Variants in CCDC88A observed in about 807,000 individuals in gnomAD.
CCDC88A encodes coiled-coil and HOOK domain protein 88A.
Under a neutral mutation model 234.3 loss-of-function variants are expected in CCDC88A, and 54 were observed. The ratio of observed to expected loss-of-function variants is 0.23; its 90% CI spans 0.19 to 0.29. The LOEUF is 0.29. CCDC88A is among the 10% of genes least tolerant of loss of function. The pLI is 1.00. For missense variants in CCDC88A, 1,832 were observed against 2,123.4 expected (o/e 0.86, Z 2.70); for synonymous variants, 753 against 737.8 (o/e 1.02, Z -0.33).
rs1558690462 is a variant in CCDC88A, at chr2:55,335,331, TG to T, written c.1657-168del. 9.9e-5 allele frequency among the ~76,000 whole-genome samples: 5 copies of T among 50,550 alleles called. No individual in the cohort carries two copies. The highest frequency in any genetic ancestry group is 1.5e-4 in the Non-Finnish European group (4 of 26,120). The allele number at this position is 50,550 out of a possible 152,430, so 33.2% of individuals were successfully genotyped here. On this transcript the variant is annotated intron_variant, in intron 14 of 32. Coordinates refer to ENST00000436346, the MANE Select transcript of CCDC88A (RefSeq NM_001365480.1). The surrounding 1 kb of genome is among the most constrained non-coding windows in gnomAD (Gnocchi z 4.5). ...TGAAGACCACTGTGTACACTTACTG[TG>T]AGGTCATTTACTGAAGACCACTGTG...
intron 29 of CCDC88A, among the ~76,000 whole-genome samples, chr2:55,298,594 CAG>C (rs1043429447): frequency 2.6e-5 from 4 of 151,894 alleles, no homozygotes; most frequent in Admixed American, 6.6e-5. Flanking sequence ...TTCTGGAGTA[CAG>C]AGAGTAACTA....
chr2:55,346,078 C>G, intron 10 of CCDC88A, 97 bp downstream of exon 10: 1 of 780,486 alleles, frequency 1.3e-6, no homozygotes. Flanking sequence ...GTTTGTTCAC[C>G]ATTTCAAGAG....
At chr2:55,408,563 G>A (rs1452404813) in intron 2 of CCDC88A, among the ~76,000 whole-genome samples, 1 of 152,074 alleles carries the variant, frequency 6.6e-6, no homozygotes, top group Non-Finnish European at 1.5e-5. Flanking sequence ...ACTCCTACCA[G>A]TGCCATGACA....
chr2:55,390,728 G>C (rs1463913933), intron 2 of CCDC88A, among the ~76,000 whole-genome samples: 1 of 152,166 alleles, frequency 6.6e-6, no homozygotes, highest in Non-Finnish European at 1.5e-5. Flanking sequence ...TGCTGAACTT[G>C]AGGAGACAAA....
intron 3 of CCDC88A, among the ~76,000 whole-genome samples, chr2:55,381,575 T>C (rs1423407248): frequency 1.3e-5 from 1 of 79,992 alleles, no homozygotes; most frequent in Non-Finnish European, 2.7e-5. Flanking sequence ...AAAAAAAAAG[T>C]GCACATGACT....
In CCDC88A at chr2:55,295,660, T is replaced by C. The variant is rs1679947711; in HGVS notation, c.5488A>G (p.Arg1830Gly). The C allele has an allele frequency of 6.2e-7, 1 of 1,614,138 alleles. No individual in the cohort carries two copies. The highest frequency in any genetic ancestry group is 2.2e-5 in the East Asian group (1 of 44,904). Reference sequence around the variant, plus strand: ...GGTGAATCAACTGATATAGGCAGTCTACTGTCCTTGGTCAAAAAATCATGG... The same window carrying C: ...GGTGAATCAACTGATATAGGCAGTCCACTGTCCTTGGTCAAAAAATCATGG... ...SIHDFLTKDS[R>G]LPISVDSPPA... The change falls in exon 31 of 33, where the codon AGA becomes GGA. Residue 1830 changes from arginine (R) to glycine (G), a missense_variant. Arg to Gly is a moderately radical substitution (Grantham distance 125, BLOSUM62 -2). Transcript: ENST00000436346.
intron 29 of CCDC88A, among the ~76,000 whole-genome samples, chr2:55,299,204 A>AAAAC (rs1252943031): frequency 2.6e-5 from 4 of 152,200 alleles, no homozygotes; most frequent in Admixed American, 6.5e-5. Flanking sequence ...ACTCCGTCTC[A>AAAAC]AAACAAACAA....
intron 3 of CCDC88A, among the ~76,000 whole-genome samples, chr2:55,386,646 AT>A: frequency 6.6e-6 from 1 of 151,186 alleles, no homozygotes. Context: ...TAATTTTTGT[AT>A]TTTTAGTAGA....
chr2:55,388,718 T>TAA, intron 3 of CCDC88A, 60 bp downstream of exon 3: 1 of 694,780 alleles, frequency 1.4e-6, no homozygotes, highest in Non-Finnish European at 2.5e-6. Context: ...TGACTGATAC[T>TAA]AAATAATACA....
chr2:55,343,871 A>G (rs1668786402), intron 11 of CCDC88A, 79 bp from the exon 12 acceptor site: 3 of 1,178,910 alleles, frequency 2.5e-6, no homozygotes, highest in Non-Finnish European at 3.5e-6. Flanking sequence ...ATTTCTCACA[A>G]CTTTTATTTA....
At chr2:55,308,291 T>C (rs1397148791) in intron 25 of CCDC88A, 1 of 153,206 alleles carries the variant, frequency 6.5e-6, no homozygotes, top group Admixed American at 6.5e-5. Context: ...TTCTTAACCT[T>C]CTGTAATTTC....
intron 2 of CCDC88A, chr2:55,394,032 C>T (rs1311583207): frequency 6.6e-6 from 1 of 152,238 alleles, no homozygotes; most frequent in South Asian, 2.1e-4. Flanking sequence ...GATCATAGCT[C>T]ACTGCAGCCT....
chr2:55,347,316 G>C (rs75787526), intron 9 of CCDC88A, among the ~76,000 whole-genome samples: 11,910 of 152,136 alleles, frequency 0.078, 710 homozygotes, highest in East Asian at 0.3. Flanking sequence ...AACCTTTTCA[G>C]GGAGTTCAGG....
intron 3 of CCDC88A, among the ~76,000 whole-genome samples, chr2:55,377,194 CTT>C (rs11443883): frequency 3.5e-5 from 4 of 115,042 alleles, no homozygotes; most frequent in Admixed American, 1.0e-4. Context: ...TCACTATAGA[CTT>C]TTTTTTTTTT....
chr2:55,401,433 C>CAAAAAA lies in CCDC88A; in HGVS notation c.165-12548_165-12547insTTTTTT, dbSNP rs1418741634. Among the ~76,000 whole-genome samples, 34 of 30,130 alleles carry CAAAAAA rather than the reference C, an allele frequency of 1.1e-3. 10 individuals carry two copies. Among genetic ancestry groups the CAAAAAA allele is most frequent in the Admixed American group, 1.5e-3 (3 of 2,020 alleles). The allele number at this position is 30,130 out of a possible 152,430, so 19.8% of individuals were successfully genotyped here. On this transcript the variant is annotated intron_variant, in intron 2 of 32. Coordinates refer to ENST00000436346, the MANE Select transcript of CCDC88A (RefSeq NM_001365480.1). ...TGGATGACAGAGAAAGACTCTGTCTCCAAAAAAAAAAAAAATATATATATA... is the reference window on the plus strand; with the variant it reads ...TGGATGACAGAGAAAGACTCTGTCTCAAAAAACAAAAAAAAAAAAAATATATATATA...
At chr2:55,383,254 T>G (rs1263094930) in intron 3 of CCDC88A, among the ~76,000 whole-genome samples, 5 of 152,128 alleles carry the variant, frequency 3.3e-5, no homozygotes, top group African/African-American at 1.2e-4. Context: ...AAAAATTTTT[T>G]GGGAAACATA....
intron 3 of CCDC88A, among the ~76,000 whole-genome samples, chr2:55,379,531 T>C (rs1158185976): frequency 6.6e-6 from 1 of 152,176 alleles, no homozygotes; most frequent in Non-Finnish European, 1.5e-5. Flanking sequence ...AATACAGCAG[T>C]GAATAAACAG....
intron 4 of CCDC88A, among the ~76,000 whole-genome samples, chr2:55,374,534 C>G (rs1673316008): frequency 6.6e-6 from 1 of 152,098 alleles, no homozygotes; most frequent in African/African-American, 2.4e-5. Flanking sequence ...ACATCATCTT[C>G]TATACTTCTC....
Position 55,384,541 on chromosome 2 carries a change from GTA to G in CCDC88A, c.273+4235_273+4236del, listed in dbSNP as rs1376061755. 1.7e-4 allele frequency among the ~76,000 whole-genome samples: 5 copies of G among 29,512 alleles called. 1 individual carries two copies. The highest frequency in any genetic ancestry group is 1.5e-4 in the African/African-American group (1 of 6,852). The allele number at this position is 29,512 out of a possible 152,430, so 19.4% of individuals were successfully genotyped here. A position where few individuals can be genotyped will look rare whatever the true frequency, so the allele number is the denominator to read the frequency against. ...AAATTATATATATATACATATATAC[GTA>G]TATATGTGTATATATACACATATAT... On this transcript the variant is annotated intron_variant, in intron 3 of 32. Transcript: ENST00000436346.
Sources: allele counts gnomAD v4.1 joint callset (sites outside exome capture counted in the v4.1 genomes callset), GRCh38; gene constraint gnomAD v4.1.1; non-coding constraint Gnocchi (gnomAD v3.1); transcripts MANE v1.5; gene names NCBI Gene and HGNC (gene_info 2026-07-23, HGNC 2026-07-21).